The following CD4 variants were observed in gnomAD, a reference collection of about 807,000 sequenced individuals.
CD4 encodes T-cell surface glycoprotein CD4.
Under a neutral mutation model 50.5 loss-of-function variants are expected in CD4, and 25 were observed. The ratio of observed to expected loss-of-function variants is 0.49; its 90% CI spans 0.36 to 0.69. The LOEUF is 0.69. Ranked by LOEUF, CD4 falls within the 30% of genes least tolerant of loss-of-function variation. CD4 has a pLI of 0.00. For missense variants in CD4, 456 were observed against 548.5 expected, an observed-to-expected ratio of 0.83 and a Z score of 1.68; for synonymous variants, 207 against 221.9, an observed-to-expected ratio of 0.93 and a Z score of 0.60.
chr12:6,800,217 A>G (rs200297122), intron 2 of CD4, 30 bp downstream of exon 2: 720 of 1,610,326 alleles, frequency 4.5e-4, no homozygotes, highest in Non-Finnish European at 6.0e-4. Flanking sequence ...GTCTCAATGC[A>G]GATGACGTGG....
At position 6,814,207 on chromosome 12, in the gene CD4, CT is replaced by C; in HGVS notation, c.281del (p.Leu94ArgfsTer8). 2 of 1,614,136 alleles carry C rather than the reference CT, an allele frequency of 1.2e-6. No individual in the cohort carries two copies. Among genetic ancestry groups the C allele is most frequent in the Non-Finnish European group, 8.5e-7 (1 of 1,179,988 alleles). On this transcript the variant is annotated frameshift_variant, in exon 4 of 10. Coordinates refer to ENST00000011653, the MANE Select transcript of CD4 (RefSeq NM_000616.5). LOFTEE classifies it high-confidence loss of function. ...RSLWDQGNFP[L>X]IIKNLKIEDS... is the part of the protein sequence containing the mutation. ...CCTTTGGGACCAAGGAAACTTTCCC[CT>C]GATCATCAAGAATCTTAAGATAGAA...
chr12:6,797,073 C>G (rs1266457531), intron 1 of CD4, among the ~76,000 whole-genome samples: 3 of 152,140 alleles, frequency 2.0e-5, no homozygotes, highest in Non-Finnish European at 4.4e-5. Flanking sequence ...ATGACTAGAC[C>G]CACCCCCAGT....
At chr12:6,819,168 C>A in intron 9 of CD4, 131 bp from the exon 10 acceptor site, 1 of 916,022 alleles carries the variant, frequency 1.1e-6, no homozygotes, top group Non-Finnish European at 1.8e-6. Context: ...GCTGAAGGAG[C>A]AGCAGGCCAG....
intron 6 of CD4, 41 bp from the exon 7 acceptor site, chr12:6,817,089 G>A (rs1943099974): frequency 1.3e-6 from 2 of 1,543,844 alleles, no homozygotes; most frequent in African/African-American, 1.4e-5. Context: ...TTGTTCTACT[G>A]AATCTCAGGC....
intron 3 of CD4, among the ~76,000 whole-genome samples, chr12:6,812,548 G>T (rs146764427): frequency 1.3e-5 from 2 of 151,974 alleles, no homozygotes; most frequent in African/African-American, 2.4e-5. Context: ...GCTTGGTTGC[G>T]CATGCCTGTA....
At chr12:6,805,105 GC>G (rs55863239) in intron 3 of CD4, among the ~76,000 whole-genome samples, 143,666 of 143,894 alleles carry the variant, frequency 1, 71,719 homozygotes, top group Middle Eastern at 1. Context: ...GATTGCTTGA[GC>G]CCTAGGAGGG....
In CD4 at chr12:6,816,196, T is replaced by C; in HGVS notation, c.748T>C (p.Ser250Pro). The part of the protein sequence containing the change: ...WQAERASSSK[S>P]WITFDLKNKE... Reference sequence around the variant, plus strand: ...GGCGGAGAGGGCTTCCTCCTCCAAGTCTTGGATCACCTTTGACCTGAAGAA... The same window carrying C: ...GGCGGAGAGGGCTTCCTCCTCCAAGCCTTGGATCACCTTTGACCTGAAGAA... Residue 250 changes from serine to proline, a missense_variant, in exon 6 of 10, where the codon TCT (serine) becomes CCT (proline). Coordinates refer to ENST00000011653, the MANE Select transcript of CD4 (RefSeq NM_000616.5). This position sits in a 1 kb window ranked among gnomAD's most constrained non-coding sequence, Gnocchi z 4.9. 1 of 1,614,112 alleles carries C rather than the reference T, an allele frequency of 6.2e-7. No individual in the cohort carries two copies.
chr12:6,816,447 G>T lies in CD4; in HGVS notation c.955+44G>T. ...GAGGGGTGGGCAGGGGAAGGAGTTG[G>T]AGGGGCCTGGCCCAGGGCTCCCTCT... On this transcript the variant is annotated intron_variant, in intron 6 of 9. Transcript: ENST00000011653. This position sits in a 1 kb window ranked among gnomAD's most constrained non-coding sequence, Gnocchi z 4.9. 6.7e-7 allele frequency: 1 copy of T among 1,497,498 alleles called. No homozygotes were observed. The highest frequency in any genetic ancestry group is 1.2e-5 in the South Asian group (1 of 80,194). The allele number at this position is 1,497,498 out of a possible 1,614,324, so 92.8% of individuals were successfully genotyped here. A position where few individuals can be genotyped will look rare whatever the true frequency, so the allele number is the denominator to read the frequency against.
At position 6,814,791 on chromosome 12, in the gene CD4, G is replaced by T. The variant is rs202208698; in HGVS notation, c.406G>T (p.Gly136Trp). Residue 136 changes from glycine (G) to tryptophan (W), a missense_variant, in exon 5 of 10, where the codon GGG becomes TGG. Physicochemically the swap from Gly to Trp is radical, Grantham distance 184. Coordinates refer to ENST00000011653, the MANE Select transcript of CD4 (RefSeq NM_000616.5). ...TANSDTHLLQ[G>W]QSLTLTLESP... ...CAACTCTGACACCCACCTGCTTCAGGGGCAGAGCCTGACCCTGACCTTGGA... is the reference window on the plus strand; with the variant it reads ...CAACTCTGACACCCACCTGCTTCAGTGGCAGAGCCTGACCCTGACCTTGGA... 6.2e-7 allele frequency: 1 copy of T among 1,613,754 alleles called. No homozygotes were observed. The highest frequency in any genetic ancestry group is 1.1e-5 in the South Asian group (1 of 91,066).
At chr12:6,810,373 G>T (rs971026050) in intron 3 of CD4, among the ~76,000 whole-genome samples, 29 of 152,222 alleles carry the variant, frequency 1.9e-4, no homozygotes, top group African/African-American at 6.8e-4. Flanking sequence ...GTTATTTTAG[G>T]AGGAGGGTTA....
intron 3 of CD4, among the ~76,000 whole-genome samples, chr12:6,812,325 G>A (rs1253252049): frequency 6.6e-6 from 1 of 152,166 alleles, no homozygotes; most frequent in Non-Finnish European, 1.5e-5. Context: ...CTTGAACTCA[G>A]GAGGCAGAGG....
chr12:6,820,680 C>G lies in CD4; in HGVS notation c.*1351C>G, dbSNP rs1452468968. 6.6e-6 allele frequency: 1 copy of G among 152,450 alleles called. No homozygotes were observed. Among genetic ancestry groups the G allele is most frequent in the Non-Finnish European group, 1.5e-5 (1 of 68,160 alleles). The allele number at this position is 152,450 out of a possible 1,614,324, so 9.4% of individuals were successfully genotyped here. ...TTTCCTTCTCCTCCTGTCTTTAAAG[C>G]CTGCCTCTTCCAGGAAGACCCCCCT... On this transcript the variant is annotated 3_prime_UTR_variant, in exon 10 of 10. Coordinates refer to ENST00000011653, the MANE Select transcript of CD4 (RefSeq NM_000616.5).
At chr12:6,812,773 G>GTGTGTGTGTGTA (rs1942976242) in intron 3 of CD4, among the ~76,000 whole-genome samples, 1 of 35,906 alleles carries the variant, frequency 2.8e-5, no homozygotes, top group African/African-American at 8.0e-5. Context: ...GGTTATTTTT[G>GTGTGTGTGTGTA]TGTGTGTGTG....
At chr12:6,795,215 A>G (rs903054813) in intron 1 of CD4, among the ~76,000 whole-genome samples, 7 of 151,880 alleles carry the variant, frequency 4.6e-5, no homozygotes, top group African/African-American at 1.5e-4. Context: ...ATGTTTATCT[A>G]ATCTATTTAC....
rs3213429 is a variant in CD4 at position 6,819,747 on chromosome 12, A to G, written c.*418A>G. On this transcript the variant is annotated 3_prime_UTR_variant, in exon 10 of 10. Coordinates refer to ENST00000011653, the MANE Select transcript of CD4 (RefSeq NM_000616.5). ...GACCACAGAGGGCAGGAACTTGCAC[A>G]AAATCACACAGCCAAGCCAGTCAAG... The G allele has an allele frequency of 0.2, 37,566 of 185,112 alleles. 4,445 individuals are homozygous for G. The highest frequency in any genetic ancestry group is 0.44 in the East Asian group (2,698 of 6,096). The allele number at this position is 185,112 out of a possible 1,614,324, so 11.5% of individuals were successfully genotyped here.
chr12:6,801,537 A>G (rs868991337), intron 3 of CD4, among the ~76,000 whole-genome samples: 3 of 146,244 alleles, frequency 2.1e-5, no homozygotes, highest in Non-Finnish European at 4.5e-5. Flanking sequence ...AAAAAGCTGC[A>G]NATTTATTAT....
rs1486871391 is a variant in CD4, at chr12:6,819,347, A to G, written c.*18A>G. Reference sequence around the variant, plus strand: ...CCATTTGAGGCACGAGGCCAGGCAGATCCCACTTGCAGCCTCCCCAGGTGT... The same window carrying G: ...CCATTTGAGGCACGAGGCCAGGCAGGTCCCACTTGCAGCCTCCCCAGGTGT... On this transcript the variant is annotated 3_prime_UTR_variant, in exon 10 of 10. Transcript: ENST00000011653. 12 of 1,613,570 alleles carry G rather than the reference A, an allele frequency of 7.4e-6. No individual in the cohort carries two copies. The highest frequency in any genetic ancestry group is 1.0e-5 in the Non-Finnish European group (12 of 1,179,616).
At position 6,814,325 on chromosome 12, in the gene CD4, G is replaced by A. The variant is rs1591561443; in HGVS notation, c.373+25G>A. On this transcript the variant is annotated intron_variant, in intron 4 of 9. Transcript: ENST00000011653. ...TGTGAGTGGGGCAGGTGGGGATGAGGATACCTCCTGCCTGGTTCCCTTCCC... is the reference window on the plus strand; with the variant it reads ...TGTGAGTGGGGCAGGTGGGGATGAGAATACCTCCTGCCTGGTTCCCTTCCC... The A allele has an allele frequency of 1.4e-5, 22 of 1,606,034 alleles. No individual in the cohort carries two copies. In the South Asian group the frequency reaches 2.2e-4, roughly 16 times the overall value.
rs1339478141 is a variant in CD4 at position 6,800,117 on chromosome 12, T to C, written c.-22T>C. 5 of 1,613,294 alleles carry C rather than the reference T, an allele frequency of 3.1e-6. No individual in the cohort carries two copies. Among genetic ancestry groups the C allele is most frequent in the Non-Finnish European group, 4.2e-6 (5 of 1,179,502 alleles). ...TCAGGTCCCTACTGGCTCAGGCCCC[T>C]GCCTCCCTCGGCAAGGCCACAATGA... On this transcript the variant is annotated 5_prime_UTR_variant, in exon 2 of 10. Coordinates refer to ENST00000011653, the MANE Select transcript of CD4 (RefSeq NM_000616.5).
Sources: allele counts gnomAD v4.1 joint callset (sites outside exome capture counted in the v4.1 genomes callset), GRCh38; gene constraint gnomAD v4.1.1; non-coding constraint Gnocchi (gnomAD v3.1); transcripts MANE v1.5; gene names NCBI Gene and HGNC (gene_info 2026-07-23, HGNC 2026-07-21).